LNX1: variants seen among roughly 807,000 people sequenced by gnomAD.
The protein encoded by LNX1 is E3 ubiquitin-protein ligase LNX.
LNX1 carries 54 observed loss-of-function variants against 68.4 expected under a neutral mutation model. The ratio of observed to expected loss-of-function variants is 0.79; its 90% CI spans 0.63 to 0.99. The LOEUF is 0.99. Among genes scored for constraint, LNX1 ranks in the 50% least tolerant of loss-of-function variants. LNX1 has a pLI of 0.00. For missense variants in LNX1, 906 were observed against 926.4 expected (o/e 0.98, Z 0.29); for synonymous variants, 336 against 350.0 (o/e 0.96, Z 0.45).
intron 2 of LNX1, among the ~76,000 whole-genome samples, chr4:53,527,244 C>T (rs915454449): frequency 5.9e-5 from 9 of 152,170 alleles, no homozygotes; most frequent in Admixed American, 2.0e-4. Context: ...TTTATTTCTA[C>T]ATGTTCAGTG....
At chr4:53,548,637 G>A (rs559765618) in intron 2 of LNX1, among the ~76,000 whole-genome samples, 7 of 152,184 alleles carry the variant, frequency 4.6e-5, no homozygotes, top group South Asian at 2.1e-4. Flanking sequence ...AGAGCTAAAA[G>A]AAGAACTACC....
At chr4:53,556,217 A>G (rs944751302) in intron 2 of LNX1, among the ~76,000 whole-genome samples, 2 of 152,174 alleles carry the variant, frequency 1.3e-5, no homozygotes, top group African/African-American at 4.8e-5. Flanking sequence ...ACATGTACAG[A>G]CAGGTGGAGG....
rs1380645005 is a variant in LNX1 at position 53,567,086 on chromosome 4, C to T, written c.380+6537G>A. Among the ~76,000 whole-genome samples the T allele has an allele frequency of 4.5e-3, 642 of 144,216 alleles. 1 individual carries two copies. The highest frequency in any genetic ancestry group is 0.02 in the South Asian group (84 of 4,268). 94.6% of individuals were successfully genotyped at this position (144,216 alleles called of 152,430 possible). ...CCACTGTCAACATTAGACAGATCAA[C>T]GAGACAGAAAGTCAACAAGGATACC... On this transcript the variant is annotated intron_variant, in intron 2 of 10. Coordinates refer to ENST00000263925, the MANE Select transcript of LNX1 (RefSeq NM_001126328.3).
rs532340849 is a variant in LNX1 at position 53,558,381 on chromosome 4, C to T, written c.380+15242G>A. 70 of 510,836 alleles carry T rather than the reference C, an allele frequency of 1.4e-4. No individual in the cohort carries two copies. In the South Asian group the frequency reaches 3.8e-3, roughly 27 times the overall value. The allele number at this position is 510,836 out of a possible 1,614,324, so 31.6% of individuals were successfully genotyped here. A position where few individuals can be genotyped will look rare whatever the true frequency, so the allele number is the denominator to read the frequency against. On this transcript the variant is annotated intron_variant, in intron 2 of 10. Transcript: ENST00000263925. ...ATGAGCATGACACATTCAGACCCCA[C>T]GGTGTGAATAATTAAATAATGAAAA...
chr4:53,635,330 T>G (rs1440599175), intron 1 of LNX1, among the ~76,000 whole-genome samples: 4 of 152,220 alleles, frequency 2.6e-5, no homozygotes, highest in Non-Finnish European at 4.4e-5. Flanking sequence ...GTGCCTGTTT[T>G]GTGAGCCAAC....
chr4:53,621,254 G>C (rs1197508192), upstream of LNX1, among the ~76,000 whole-genome samples: 2 of 152,166 alleles, frequency 1.3e-5, no homozygotes, highest in Non-Finnish European at 2.9e-5. Context: ...AGTTCTCTAA[G>C]TCAAATTATA....
At chr4:53,613,084 A>G (rs1733555370) in intron 2 of LNX1, among the ~76,000 whole-genome samples, 2 of 150,202 alleles carry the variant, frequency 1.3e-5, no homozygotes, top group African/African-American at 2.5e-5. Context: ...GGAAAGACAC[A>G]TACTAGATTA....
At chr4:53,507,896 A>G in intron 3 of LNX1, 90 bp downstream of exon 3, 2 of 1,484,404 alleles carry the variant, frequency 1.3e-6, no homozygotes, top group Non-Finnish European at 9.0e-7. Flanking sequence ...CCCTTAAAAA[A>G]CATTTACAGA....
intron 1 of LNX1, among the ~76,000 whole-genome samples, chr4:53,583,126 G>C (rs572650820): frequency 6.6e-6 from 1 of 152,246 alleles, no homozygotes; most frequent in South Asian, 2.1e-4. Context: ...AGACTTGACA[G>C]GATCGATAAT....
At chr4:53,518,540 C>T (rs1313044731) in intron 2 of LNX1, among the ~76,000 whole-genome samples, 3 of 152,288 alleles carry the variant, frequency 2.0e-5, no homozygotes, top group East Asian at 3.9e-4. Context: ...AGTGCCCTCA[C>T]CAGAGACCAC....
chr4:53,547,438 C>A (rs905233036), intron 2 of LNX1, among the ~76,000 whole-genome samples: 1 of 152,122 alleles, frequency 6.6e-6, no homozygotes, highest in Non-Finnish European at 1.5e-5. Context: ...CCCAAGTTTG[C>A]CCAGCTAGAG....
At position 53,573,544 on chromosome 4, in the gene LNX1, C is replaced by G. The variant is rs1225489408; in HGVS notation, c.380+79G>C. The G allele has an allele frequency of 2.6e-5, 24 of 929,650 alleles. No individual in the cohort carries two copies. In the Admixed American group the frequency reaches 5.4e-4, roughly 21 times the overall value. 57.6% of individuals were successfully genotyped at this position (929,650 alleles called of 1,614,324 possible). A position where few individuals can be genotyped will look rare whatever the true frequency, so the allele number is the denominator to read the frequency against. Reference sequence around the variant, plus strand: ...TGGATCATTTCATTGGTTGGAAGCCCTCAGGAGACTGGGGGGTGGAGGGGT... The same window carrying G: ...TGGATCATTTCATTGGTTGGAAGCCGTCAGGAGACTGGGGGGTGGAGGGGT... On this transcript the variant is annotated intron_variant, in intron 2 of 10. Transcript: ENST00000263925.
In LNX1 at chr4:53,461,561, C is replaced by G; in HGVS notation, c.1925G>C (p.Arg642Pro). The change falls in exon 10 of 11, where the codon CGA becomes CCA. Residue 642 changes from arginine (R) to proline (P), a missense_variant. Arg to Pro is a moderately radical substitution (Grantham distance 103, BLOSUM62 -2). Coordinates refer to ENST00000263925, the MANE Select transcript of LNX1 (RefSeq NM_001126328.3). The stretch of plus-strand genomic sequence containing the variant: ...GCCCAGACTTCCAGCTGTGTTTCTT[C>G]GTAATACAATATCTTTACAGTTATA... The part of the protein sequence containing the change: ...CLYNCKDIVL[R>P]RNTAGSLGFC... 4 of 1,611,748 alleles carry G rather than the reference C, an allele frequency of 2.5e-6. No homozygotes were observed. The highest frequency in any genetic ancestry group is 3.4e-6 in the Non-Finnish European group (4 of 1,178,436).
At chr4:53,586,688 G>T (rs182560875) in intron 1 of LNX1, among the ~76,000 whole-genome samples, 82 of 152,328 alleles carry the variant, frequency 5.4e-4, no homozygotes, top group African/African-American at 1.9e-3. Flanking sequence ...CTTTCAGATG[G>T]ATAGGTGAAG....
chr4:53,462,015 A>G (rs73157815), intron 9 of LNX1, among the ~76,000 whole-genome samples: 3 of 149,408 alleles, frequency 2.0e-5, no homozygotes, highest in African/African-American at 7.7e-5. Context: ...AATAATCTCA[A>G]TGAAAGCAGT....
chr4:53,583,972 A>AACAACG (rs1553941104), intron 1 of LNX1, among the ~76,000 whole-genome samples: 47 of 144,632 alleles, frequency 3.2e-4, no homozygotes, highest in Admixed American at 6.2e-4. Context: ...CAACAACAAC[A>AACAACG]ACGACAAATG....
At chr4:53,618,965 T>A (rs1215672658), upstream of LNX1, among the ~76,000 whole-genome samples, 1 of 152,050 alleles carries the variant, frequency 6.6e-6, no homozygotes, top group Non-Finnish European at 1.5e-5. Context: ...TTACGCAGGG[T>A]GGTCTCTAAC....
chr4:53,484,508 A>C (rs928523410), intron 6 of LNX1, among the ~76,000 whole-genome samples: 6 of 152,062 alleles, frequency 3.9e-5, no homozygotes, highest in Non-Finnish European at 7.4e-5. Context: ...GGTTGCAGCG[A>C]ACCGAGATTG....
chr4:53,560,800 T>A (rs565251527), intron 2 of LNX1, among the ~76,000 whole-genome samples: 1 of 152,338 alleles, frequency 6.6e-6, no homozygotes, highest in African/African-American at 2.4e-5. Context: ...TTGTATTACA[T>A]GAGAAAAACA....
Sources: allele counts gnomAD v4.1 joint callset (sites outside exome capture counted in the v4.1 genomes callset), GRCh38; gene constraint gnomAD v4.1.1; transcripts MANE v1.5; gene names NCBI Gene and HGNC (gene_info 2026-07-23, HGNC 2026-07-21).